ZSWIM6: variants seen among roughly 807,000 people sequenced by gnomAD.
ZSWIM6 encodes the protein zinc finger SWIM domain-containing protein 6.
Under a neutral mutation model 113.2 loss-of-function variants are expected in ZSWIM6, and 9 were observed. That is an observed-to-expected ratio of 0.08 (90% CI 0.05 to 0.14). The LOEUF is 0.14. Among genes scored for constraint, ZSWIM6 ranks in the 10% least tolerant of loss-of-function variants. The pLI is 1.00. For synonymous variants in ZSWIM6, 611 were observed against 606.5 expected (o/e 1.01, Z -0.11); for missense variants, 1,162 against 1,552.2 (o/e 0.75, Z 4.22).
chr5:61,340,325 T>C (rs72761428), intron 1 of ZSWIM6, among the ~76,000 whole-genome samples: 3,940 of 152,300 alleles, frequency 0.026, 77 homozygotes, highest in Admixed American at 0.054. Context: ...TTGTGTCAGC[T>C]AATGTATGTG....
chr5:61,525,718 C>T, intron 5 of ZSWIM6, 82 bp from the exon 6 acceptor site: 1 of 1,482,914 alleles, frequency 6.7e-7, no homozygotes, highest in Non-Finnish European at 9.1e-7. Context: ...TGTTCATGAA[C>T]ATCTGGCCAC....
chr5:61,334,137 T>C (rs1440544374), intron 1 of ZSWIM6, among the ~76,000 whole-genome samples: 1 of 152,248 alleles, frequency 6.6e-6, no homozygotes, highest in Non-Finnish European at 1.5e-5. Flanking sequence ...ACTTGTGATT[T>C]AGAGCTGCAC....
At chr5:61,373,372 CTTTTTTTTTTTT>C (rs748556109) in intron 1 of ZSWIM6, among the ~76,000 whole-genome samples, 3 of 102,968 alleles carry the variant, frequency 2.9e-5, no homozygotes, top group South Asian at 3.2e-4. Flanking sequence ...CTCAGTATTT[CTTTTTTTTTTTT>C]TTTTTTTTTT....
In ZSWIM6 at chr5:61,401,174, C is replaced by CT. The variant is rs1243480607; in HGVS notation, c.676+68235dup. On this transcript the variant is annotated intron_variant, in intron 1 of 13. Coordinates refer to ENST00000252744, the MANE Select transcript of ZSWIM6 (RefSeq NM_020928.2). Reference sequence around the variant, plus strand: ...CAAGCCCTCACCCATCTTTTCTTTGCTTTTTTTTTGCATTCCTGACCTGGA... The same window carrying CT: ...CAAGCCCTCACCCATCTTTTCTTTGCTTTTTTTTTTGCATTCCTGACCTGGA... 2.3e-3 allele frequency among the ~76,000 whole-genome samples: 349 copies of CT among 150,664 alleles called. 1 individual carries two copies. The highest frequency in any genetic ancestry group is 8.0e-3 in the African/African-American group (330 of 41,104).
At chr5:61,400,487 G>A (rs1259488040) in intron 1 of ZSWIM6, among the ~76,000 whole-genome samples, 2 of 152,194 alleles carry the variant, frequency 1.3e-5, no homozygotes, top group East Asian at 3.8e-4. Flanking sequence ...AATTTGATGA[G>A]TACAGCCCAA....
intron 10 of ZSWIM6, 140 bp downstream of exon 10, chr5:61,535,759 T>C: frequency 9.1e-7 from 1 of 1,102,852 alleles, no homozygotes; most frequent in Non-Finnish European, 1.3e-6. Flanking sequence ...TCCTGTATTG[T>C]TGTGGAGGTG....
intron 1 of ZSWIM6, among the ~76,000 whole-genome samples, chr5:61,402,736 G>A (rs1382451660): frequency 1.3e-5 from 2 of 152,086 alleles, no homozygotes; most frequent in Non-Finnish European, 2.9e-5. Flanking sequence ...TAACAACTTA[G>A]GAAATTTAAA....
intron 2 of ZSWIM6, among the ~76,000 whole-genome samples, chr5:61,480,139 C>A (rs1379095555): frequency 1.3e-5 from 2 of 152,078 alleles, no homozygotes; most frequent in Non-Finnish European, 2.9e-5. Context: ...TGTGTTTTTA[C>A]TCTGCATTTT....
At chr5:61,449,020 C>T (rs1747028128) in intron 1 of ZSWIM6, among the ~76,000 whole-genome samples, 1 of 152,188 alleles carries the variant, frequency 6.6e-6, no homozygotes, top group Admixed American at 6.5e-5. Flanking sequence ...CATCTCCGTT[C>T]CCACTTTAAA....
At chr5:61,469,217 T>A (rs1747508169) in intron 1 of ZSWIM6, among the ~76,000 whole-genome samples, 1 of 152,238 alleles carries the variant, frequency 6.6e-6, no homozygotes, top group Non-Finnish European at 1.5e-5. Context: ...CAGTTATCTG[T>A]TAGAGTTCTT....
intron 1 of ZSWIM6, among the ~76,000 whole-genome samples, chr5:61,374,844 C>G (rs986145180): frequency 1.3e-4 from 20 of 152,086 alleles, no homozygotes; most frequent in Non-Finnish European, 2.9e-5. Flanking sequence ...CGTGAGCTAC[C>G]GCGCCCGGCA....
At chr5:61,430,258 A>G (rs1162822461) in intron 1 of ZSWIM6, among the ~76,000 whole-genome samples, 1 of 152,186 alleles carries the variant, frequency 6.6e-6, no homozygotes, top group Non-Finnish European at 1.5e-5. Context: ...ATGACATTGT[A>G]GAATATTTCT....
intron 1 of ZSWIM6, among the ~76,000 whole-genome samples, chr5:61,406,713 T>C (rs1272832214): frequency 6.6e-6 from 1 of 151,294 alleles, no homozygotes; most frequent in Non-Finnish European, 1.5e-5. Context: ...TTTATTTATT[T>C]ATTTATTTAT....
chr5:61,530,770 G>A (rs1364136119), intron 8 of ZSWIM6, among the ~76,000 whole-genome samples: 1 of 152,178 alleles, frequency 6.6e-6, no homozygotes, highest in African/African-American at 2.4e-5. Flanking sequence ...AGGGAGTAAC[G>A]ATGTCCCTTT....
chr5:61,541,920 C>A lies in ZSWIM6; in HGVS notation c.2740C>A (p.Arg914=). Residue 914 remains arginine, a synonymous_variant, in exon 13 of 14, where the codon CGG becomes AGG. Transcript: ENST00000252744. The part of the protein sequence containing the change: ...RMTLSTLNWR[R]REMVRWLVTC... ...GACACTGTCAACCTTAAATTGGCGACGGCGGGAGATGGTGAGGTGGCTGGT... is the reference window on the plus strand; with the variant it reads ...GACACTGTCAACCTTAAATTGGCGAAGGCGGGAGATGGTGAGGTGGCTGGT... 5 of 1,550,894 alleles carry A rather than the reference C, an allele frequency of 3.2e-6. No homozygotes were observed. The highest frequency in any genetic ancestry group is 4.4e-6 in the Non-Finnish European group (5 of 1,146,244).
chr5:61,396,468 T>C (rs1202932661), intron 1 of ZSWIM6, among the ~76,000 whole-genome samples: 2 of 150,704 alleles, frequency 1.3e-5, no homozygotes, highest in South Asian at 4.2e-4. Flanking sequence ...GAGGCAGAGG[T>C]TGCAGTGAGC....
intron 1 of ZSWIM6, among the ~76,000 whole-genome samples, chr5:61,400,724 G>T (rs1745926862): frequency 6.6e-6 from 1 of 152,114 alleles, no homozygotes; most frequent in Admixed American, 6.6e-5. Flanking sequence ...TCTGCTCTGG[G>T]AATTAGTGAT....
intron 1 of ZSWIM6, among the ~76,000 whole-genome samples, chr5:61,435,516 C>A (rs928527626): frequency 1.3e-5 from 2 of 152,166 alleles, no homozygotes; most frequent in African/African-American, 4.8e-5. Context: ...CTAGAAAGAA[C>A]AAATAGAGTA....
chr5:61,467,456 T>C (rs747459376), intron 1 of ZSWIM6, among the ~76,000 whole-genome samples: 12 of 152,168 alleles, frequency 7.9e-5, no homozygotes, highest in African/African-American at 2.9e-4. Context: ...CATTACACAT[T>C]GCGTACTAAT....
Sources: allele counts gnomAD v4.1 joint callset (sites outside exome capture counted in the v4.1 genomes callset), GRCh38; gene constraint gnomAD v4.1.1; transcripts MANE v1.5; gene names NCBI Gene and HGNC (gene_info 2026-07-23, HGNC 2026-07-21).